PLEKHG3: variants seen among roughly 807,000 people sequenced by gnomAD.
PLEKHG3 encodes pleckstrin homology and RhoGEF domain containing G3.
PLEKHG3 carries 62 observed loss-of-function variants against 94.9 expected under a neutral mutation model. That is an observed-to-expected ratio of 0.65 (90% CI 0.53 to 0.81). The LOEUF (loss-of-function observed/expected upper bound fraction) is 0.81, where lower values mean the gene tolerates loss of function less well. PLEKHG3 is among the 30% of genes least tolerant of loss of function. PLEKHG3 has a pLI of 0.00. For missense variants in PLEKHG3, 1,461 were observed against 1,619.3 expected (o/e 0.90, Z 1.68); for synonymous variants, 614 against 654.0 (o/e 0.94, Z 0.93).
chr14:64,727,679 G>A lies in PLEKHG3; in HGVS notation c.48G>A (p.Pro16=), dbSNP rs148339393. 20 of 1,612,382 alleles carry A rather than the reference G, an allele frequency of 1.2e-5. No individual in the cohort carries two copies. Among genetic ancestry groups the A allele is most frequent in the Admixed American group, 3.3e-5 (2 of 59,962 alleles). Residue 16 remains proline, a synonymous_variant, in exon 2 of 17, where the codon CCG becomes CCA. Coordinates refer to ENST00000247226, the MANE Select transcript of PLEKHG3 (RefSeq NM_001308147.2). The surrounding 1 kb of genome is among the most constrained non-coding windows in gnomAD (Gnocchi z 6.0). The stretch of plus-strand genomic sequence containing the variant: ...ACCAGGATGGCAGCCAGGAGCGGCC[G>A]GTGAGCCTGACCTCTACCACCTCCT... The part of the protein sequence containing the change: ...SLHQDGSQER[P]VSLTSTTSSS...
In PLEKHG3 at chr14:64,747,425, C is replaced by G. The variant is rs2081864170; in HGVS notation, c.*3722C>G. ...CAGAAAGAGGCTGGTGAGTGATACA[C>G]ACTAGGTTCCCTGTATAGGGTCATA... On this transcript the variant is annotated 3_prime_UTR_variant, in exon 17 of 17. Coordinates refer to ENST00000247226, the MANE Select transcript of PLEKHG3 (RefSeq NM_001308147.2). 6.6e-6 allele frequency: 1 copy of G among 152,658 alleles called. No homozygotes were observed. The highest frequency in any genetic ancestry group is 1.5e-5 in the Non-Finnish European group (1 of 68,050). 9.5% of individuals were successfully genotyped at this position (152,658 alleles called of 1,614,324 possible). A position where few individuals can be genotyped will look rare whatever the true frequency, so the allele number is the denominator to read the frequency against.
Position 64,731,023 on chromosome 14 carries a change from CTATCTT to C in PLEKHG3, c.718-14_718-9del. 1.9e-6 allele frequency: 3 copies of C among 1,614,032 alleles called. No individual in the cohort carries two copies. Among genetic ancestry groups the C allele is most frequent in the Non-Finnish European group, 2.5e-6 (3 of 1,180,020 alleles). On this transcript the variant is annotated splice_polypyrimidine_tract_variant and intron_variant, in intron 6 of 16. Transcript: ENST00000247226. The surrounding 1 kb of genome is among the most constrained non-coding windows in gnomAD (Gnocchi z 6.1). ...CTTCGGGTCAGGGGCACCTAAGCGT[CTATCTT>C]CTGCGCAGGAAATTGCCAAGCATTT...
At chr14:64,711,717 T>C (rs2081069145) in intron 1 of PLEKHG3, among the ~76,000 whole-genome samples, 2 of 152,068 alleles carry the variant, frequency 1.3e-5, no homozygotes. Flanking sequence ...CGGCCAAGAG[T>C]TCTTTATATA....
chr14:64,731,320 C>A lies in PLEKHG3; in HGVS notation c.850-41C>A. 6.4e-7 allele frequency: 1 copy of A among 1,557,026 alleles called. No individual in the cohort carries two copies. The highest frequency in any genetic ancestry group is 8.8e-7 in the Non-Finnish European group (1 of 1,130,982). Reference sequence around the variant, plus strand: ...AGGGTTTGCAGAGCCTCCTAAGGCCCCAGTGGCCTGACTCTAGGGATTGGG... The same window carrying A: ...AGGGTTTGCAGAGCCTCCTAAGGCCACAGTGGCCTGACTCTAGGGATTGGG... On this transcript the variant is annotated intron_variant, in intron 7 of 16. Transcript: ENST00000247226. The surrounding 1 kb of genome is among the most constrained non-coding windows in gnomAD (Gnocchi z 6.1).
At chr14:64,709,118 G>A (rs2081024773) in intron 1 of PLEKHG3, among the ~76,000 whole-genome samples, 1 of 152,180 alleles carries the variant, frequency 6.6e-6, no homozygotes, top group Non-Finnish European at 1.5e-5. Flanking sequence ...ATGCTAACTG[G>A]GTTGCTATCT....
rs759972947 is a variant in PLEKHG3 at position 64,749,270 on chromosome 14, G to A, written c.*5567G>A. ...AAGGCCTGGGCTGCCCGGTCTCTGC[G>A]CGTCCCGACTCCGCCGCGCCCGCCA... is the stretch of plus-strand genomic sequence containing the variant. On this transcript the variant is annotated 3_prime_UTR_variant, in exon 17 of 17. Coordinates refer to ENST00000247226, the MANE Select transcript of PLEKHG3 (RefSeq NM_001308147.2). The surrounding 1 kb of genome is among the most constrained non-coding windows in gnomAD (Gnocchi z 4.7). 4 of 1,545,620 alleles carry A rather than the reference G, an allele frequency of 2.6e-6. No individual in the cohort carries two copies. Among genetic ancestry groups the A allele is most frequent in the East Asian group, 2.4e-5 (1 of 41,324 alleles).
chr14:64,749,145 CG>C lies in PLEKHG3; in HGVS notation c.*5445del. 1 of 788,726 alleles carries C rather than the reference CG, an allele frequency of 1.3e-6. No homozygotes were observed. The highest frequency in any genetic ancestry group is 1.9e-6 in the Non-Finnish European group (1 of 517,928). 48.9% of individuals were successfully genotyped at this position (788,726 alleles called of 1,614,324 possible). ...GGAGGGGGCGTCGGCCCAGGACACGCGGGCGAAGGCAGCTTTTGCAGTGCAG... is the reference window on the plus strand; with the variant it reads ...GGAGGGGGCGTCGGCCCAGGACACGCGGCGAAGGCAGCTTTTGCAGTGCAG... On this transcript the variant is annotated 3_prime_UTR_variant, in exon 17 of 17. Coordinates refer to ENST00000247226, the MANE Select transcript of PLEKHG3 (RefSeq NM_001308147.2). This position sits in a 1 kb window ranked among gnomAD's most constrained non-coding sequence, Gnocchi z 4.7.
At chr14:64,729,274 G>A (rs1036027446) in intron 3 of PLEKHG3, among the ~76,000 whole-genome samples, 181 bp downstream of exon 3, 7 of 152,138 alleles carry the variant, frequency 4.6e-5, no homozygotes, top group Non-Finnish European at 7.4e-5. Context: ...TTTCTCTCAA[G>A]GGCAGACGGG....
intron 14 of PLEKHG3, 67 bp downstream of exon 14, chr14:64,737,442 G>T (rs2081593953): frequency 9.5e-7 from 1 of 1,056,342 alleles, no homozygotes; most frequent in African/African-American, 1.6e-5. Flanking sequence ...TCAGCCCCCG[G>T]CCCCTTCAGC....
At position 64,729,112 on chromosome 14, in the gene PLEKHG3, C is replaced by T; in HGVS notation, c.449+19C>T. Reference sequence around the variant, plus strand: ...TGAACAGGTGTGTGAATGGGCCTGACACTCACCATGTTCTGCCTGCGAGGC... The same window carrying T: ...TGAACAGGTGTGTGAATGGGCCTGATACTCACCATGTTCTGCCTGCGAGGC... On this transcript the variant is annotated intron_variant, in intron 3 of 16. Transcript: ENST00000247226. 1 of 1,182,806 alleles carries T rather than the reference C, an allele frequency of 8.5e-7. No homozygotes were observed. The highest frequency in any genetic ancestry group is 1.2e-6 in the Non-Finnish European group (1 of 827,502). The allele number at this position is 1,182,806 out of a possible 1,614,324, so 73.3% of individuals were successfully genotyped here. A position where few individuals can be genotyped will look rare whatever the true frequency, so the allele number is the denominator to read the frequency against.
Position 64,720,308 on chromosome 14 carries a change from G to A in PLEKHG3, c.-39-7285G>A, listed in dbSNP as rs190569915. Among the ~76,000 whole-genome samples, 6 of 152,312 alleles carry A rather than the reference G, an allele frequency of 3.9e-5. No homozygotes were observed. The East Asian group carries it at 7.7e-4, about 20-fold the overall frequency. ...TGGGGCCAAGTAGGATGGGACTACC[G>A]GGGTGAATGAGCAGTCATCAATCCT... On this transcript the variant is annotated intron_variant, in intron 1 of 16. Transcript: ENST00000247226. The surrounding 1 kb of genome is among the most constrained non-coding windows in gnomAD (Gnocchi z 4.1).
rs2081830236 is a variant in PLEKHG3 at position 64,746,038 on chromosome 14, G to A, written c.*2335G>A. 1 of 152,230 alleles carries A rather than the reference G, an allele frequency of 6.6e-6. No homozygotes were observed. Among genetic ancestry groups the A allele is most frequent in the South Asian group, 2.1e-4 (1 of 4,832 alleles). 9.4% of individuals were successfully genotyped at this position (152,230 alleles called of 1,614,324 possible). A position where few individuals can be genotyped will look rare whatever the true frequency, so the allele number is the denominator to read the frequency against. On this transcript the variant is annotated 3_prime_UTR_variant, in exon 17 of 17. Coordinates refer to ENST00000247226, the MANE Select transcript of PLEKHG3 (RefSeq NM_001308147.2). The surrounding 1 kb of genome is among the most constrained non-coding windows in gnomAD (Gnocchi z 4.9). ...CCTGAGCTCTGTGGGGAGGGGCCTG[G>A]ACTGATCACTGCTTGGAAATGATTT...
At position 64,742,278 on chromosome 14, in the gene PLEKHG3, C is replaced by T. The variant is rs372514153; in HGVS notation, c.2761C>T (p.Arg921Cys). The T allele has an allele frequency of 3.3e-5, 54 of 1,612,762 alleles. No individual in the cohort carries two copies. Among genetic ancestry groups the T allele is most frequent in the Non-Finnish European group, 4.2e-5 (49 of 1,180,040 alleles). Residue 921 changes from arginine (R) to cysteine (C), a missense_variant, in exon 16 of 17, where the codon CGC (arginine) becomes TGC (cysteine). Arg to Cys is a radical substitution (Grantham distance 180, BLOSUM62 -3). Around this residue, in one of 3 missense-constraint regions of PLEKHG3, gnomAD observed 1,201 missense variants for 1,295.5 expected, o/e 0.93. Coordinates refer to ENST00000247226, the MANE Select transcript of PLEKHG3 (RefSeq NM_001308147.2). ...CGTAATGGACAGCCACGTGAGCGAG[C>T]GCGTCAAGAACAAGGTCTACCAGCT... is the stretch of plus-strand genomic sequence containing the variant. ...SHVMDSHVSE[R>C]VKNKVYQLAR...
rs753175145 is a variant in PLEKHG3 at position 64,743,051 on chromosome 14, A to G, written c.3008A>G (p.Lys1003Arg). ...QLMAQEHSPP[K>R]PSSAGEMSPQ... is the part of the protein sequence containing the mutation. Reference sequence around the variant, plus strand: ...ATGGCCCAGGAGCACAGCCCTCCCAAGCCCTCCTCGGCTGGGGAGATGTCA... The same window carrying G: ...ATGGCCCAGGAGCACAGCCCTCCCAGGCCCTCCTCGGCTGGGGAGATGTCA... The change falls in exon 17 of 17, where the codon AAG becomes AGG. Residue 1003 changes from lysine to arginine, a missense_variant. By Grantham distance (26) the Lys-to-Arg change is conservative. Coordinates refer to ENST00000247226, the MANE Select transcript of PLEKHG3 (RefSeq NM_001308147.2). The surrounding 1 kb of genome is among the most constrained non-coding windows in gnomAD (Gnocchi z 7.2). 1.9e-6 allele frequency: 3 copies of G among 1,613,296 alleles called. No individual in the cohort carries two copies. The South Asian group carries it at 3.3e-5, about 18-fold the overall frequency.
chr14:64,721,548 G>T lies in PLEKHG3; in HGVS notation c.-39-6045G>T, dbSNP rs1335811851. ...GGAAAATGCATTCCTGAGGGAAAATGAATTTGAACCAGCTGGGCTGGGTTT... is the reference window on the plus strand; with the variant it reads ...GGAAAATGCATTCCTGAGGGAAAATTAATTTGAACCAGCTGGGCTGGGTTT... On this transcript the variant is annotated intron_variant, in intron 1 of 16. Transcript: ENST00000247226. The surrounding 1 kb of genome is among the most constrained non-coding windows in gnomAD (Gnocchi z 4.3). 6.6e-6 allele frequency among the ~76,000 whole-genome samples: 1 copy of T among 152,236 alleles called. No homozygotes were observed. The highest frequency in any genetic ancestry group is 2.4e-5 in the African/African-American group (1 of 41,450).
rs753564104 is a variant in PLEKHG3 at position 64,742,219 on chromosome 14, C to CTCCCGCA, written c.2702_2703insTCCCGCA (p.Leu903AlafsTer57). 1 of 1,612,896 alleles carries CTCCCGCA rather than the reference C, an allele frequency of 6.2e-7. No individual in the cohort carries two copies. Among genetic ancestry groups the CTCCCGCA allele is most frequent in the Non-Finnish European group, 8.5e-7 (1 of 1,179,886 alleles). ...AGCAGTACCCAGGGGGAGCTGGTGG[C>CTCCCGCA]CCCACTGCACCCCCGCATCGTGCAG... On this transcript the variant is annotated frameshift_variant, in exon 16 of 17. Transcript: ENST00000247226. LOFTEE classifies it high-confidence loss of function.
Position 64,749,562 on chromosome 14 carries a change from G to A in PLEKHG3, c.*5859G>A. On this transcript the variant is annotated 3_prime_UTR_variant, in exon 17 of 17. Transcript: ENST00000247226. This position sits in a 1 kb window ranked among gnomAD's most constrained non-coding sequence, Gnocchi z 4.7. The stretch of plus-strand genomic sequence containing the variant: ...AACAATGGTGGGGGCTCTTGGGACT[G>A]CCCCTTCTGAGGGGGCCTCCAGGGC... 6.2e-7 allele frequency: 1 copy of A among 1,604,244 alleles called. No individual in the cohort carries two copies.
Position 64,750,179 on chromosome 14 carries a change from C to T in PLEKHG3, c.*6476C>T. ...CCTGCAAAGATGCAGACAGGCAGGTCACCCACATCCTGATATGGTATCTCT... is the reference window on the plus strand; with the variant it reads ...CCTGCAAAGATGCAGACAGGCAGGTTACCCACATCCTGATATGGTATCTCT... On this transcript the variant is annotated 3_prime_UTR_variant, in exon 17 of 17. Coordinates refer to ENST00000247226, the MANE Select transcript of PLEKHG3 (RefSeq NM_001308147.2). 6.2e-7 allele frequency: 1 copy of T among 1,606,926 alleles called. No homozygotes were observed. The highest frequency in any genetic ancestry group is 8.5e-7 in the Non-Finnish European group (1 of 1,174,418).
At position 64,739,052 on chromosome 14, in the gene PLEKHG3, T is replaced by C. The variant is rs114110525; in HGVS notation, c.1518+197T>C. On this transcript the variant is annotated intron_variant, in intron 15 of 16. Transcript: ENST00000247226. The surrounding 1 kb of genome is among the most constrained non-coding windows in gnomAD (Gnocchi z 4.1). ...ATGGTTTGGTGAGCAGACCACCCCT[T>C]TCTATGAAGTAGAGAAAGGCTCCCC... Among the ~76,000 whole-genome samples, 814 of 152,300 alleles carry C rather than the reference T, an allele frequency of 5.3e-3. 10 individuals carry two copies. Among genetic ancestry groups the C allele is most frequent in the African/African-American group, 0.019 (778 of 41,554 alleles).
Sources: gnomAD v4.1 joint callset for allele counts (sites outside exome capture counted in the v4.1 genomes callset) on GRCh38, gnomAD v4.1.1 for gene constraint, gnomAD v4.1.1 regional missense constraint, Gnocchi (gnomAD v3.1) non-coding constraint, MANE v1.5 for transcripts, NCBI Gene and HGNC (gene_info 2026-07-23, HGNC 2026-07-21) for gene names.